The following PRKACA variants were observed in gnomAD, a reference collection of about 807,000 sequenced individuals.
The protein encoded by PRKACA is cAMP-dependent protein kinase catalytic subunit alpha.
PRKACA carries 9 observed loss-of-function variants against 45.8 expected under a neutral mutation model. That is an observed-to-expected ratio of 0.20 (90% CI 0.12 to 0.34). The LOEUF is 0.34. PRKACA is among the 10% of genes least tolerant of loss of function. The probability of loss-of-function intolerance (pLI) is 1.00; values close to 1 mark genes in which losing one functional copy is unlikely to be tolerated. For synonymous variants in PRKACA, 160 were observed against 178.6 expected (o/e 0.90, Z 0.83); for missense variants, 238 against 458.6 (o/e 0.52, Z 4.39).
chr19:14,105,870 C>T (rs1040150862), intron 3 of PRKACA, among the ~76,000 whole-genome samples: 28 of 152,160 alleles, frequency 1.8e-4, no homozygotes, highest in Non-Finnish European at 3.5e-4. Context: ...AAAATATTTA[C>T]GGGAAGAAAG....
rs373941966 is a variant in PRKACA, at chr19:14,093,207, C to G, written c.961G>C (p.Gly321Arg). 4.3e-6 allele frequency: 7 copies of G among 1,613,922 alleles called. No homozygotes were observed. The African/African-American group carries it at 5.3e-5, about 12-fold the overall frequency. ...TCAAAGTTACTCGTATCCCCAGGGC[C>G]TTTAAACTTTGGTATGAAGGGAGCT... ...VEAPFIPKFKGPGDTSNFDDY... is the reference protein window; with the variant it reads ...VEAPFIPKFKRPGDTSNFDDY... The change falls in exon 10 of 10, where the codon GGC (glycine) becomes CGC (arginine). Residue 321 changes from glycine to arginine, a missense_variant. By Grantham distance (125) the Gly-to-Arg change is moderately radical. Coordinates refer to ENST00000308677, the MANE Select transcript of PRKACA (RefSeq NM_002730.4).
rs536107122 is a variant in PRKACA, at chr19:14,106,612, C to T, written c.237+148G>A. On this transcript the variant is annotated intron_variant, in intron 3 of 9. Transcript: ENST00000308677. ...GAGGTTGCAGTGAGCCGAGATCACG[C>T]CACTGTACTCCAGCCTGAGCGACAG... is the stretch of plus-strand genomic sequence containing the variant. The T allele has an allele frequency of 1.7e-3, 1,959 of 1,131,794 alleles. 2 individuals are homozygous for T. Among genetic ancestry groups the T allele is most frequent in the Middle Eastern group, 2.8e-3 (11 of 3,870 alleles). The allele number at this position is 1,131,794 out of a possible 1,614,324, so 70.1% of individuals were successfully genotyped here. A position where few individuals can be genotyped will look rare whatever the true frequency, so the allele number is the denominator to read the frequency against.
At chr19:14,113,662 G>A (rs1967034499) in intron 1 of PRKACA, among the ~76,000 whole-genome samples, 1 of 152,184 alleles carries the variant, frequency 6.6e-6, no homozygotes, top group Non-Finnish European at 1.5e-5. Flanking sequence ...GCTGTCCTGG[G>A]AATTCTGGGG....
Position 14,117,526 on chromosome 19 carries a change from TGGCGGCGGCGGCGTTGCCCATCGC to T in PRKACA, c.-3_21del, listed in dbSNP as rs1462342684. On this transcript the variant is annotated start_lost and 5_prime_UTR_variant, in exon 1 of 10. Transcript: ENST00000308677. ...CCGCTCTCCTGCTCGCTGCCCTTCT[TGGCGGCGGCGGCGTTGCCCATCGC>T]GGCGGCGGCGGCCGGGGCCGGTCCC... The T allele has an allele frequency of 8.1e-7, 1 of 1,227,802 alleles. No homozygotes were observed. The allele number at this position is 1,227,802 out of a possible 1,614,324, so 76.1% of individuals were successfully genotyped here.
At chr19:14,094,537 A>G (rs560726030) in intron 8 of PRKACA, among the ~76,000 whole-genome samples, 1 of 152,362 alleles carries the variant, frequency 6.6e-6, no homozygotes, top group African/African-American at 2.4e-5. Flanking sequence ...GCTGCTGGAA[A>G]GGGGTCCCTT....
intron 2 of PRKACA, 53 bp from the exon 3 acceptor site, chr19:14,106,941 T>C: frequency 6.2e-7 from 1 of 1,607,614 alleles, no homozygotes; most frequent in South Asian, 1.1e-5. Flanking sequence ...GCGGCCTGCT[T>C]GGCTAAGGTC....
chr19:14,103,804 G>A (rs537297190), intron 3 of PRKACA, among the ~76,000 whole-genome samples: 2 of 152,298 alleles, frequency 1.3e-5, no homozygotes, highest in African/African-American at 4.8e-5. Context: ...GGTGGCTCAC[G>A]CCCGTAATCC....
chr19:14,113,381 C>T (rs144519775), intron 1 of PRKACA, among the ~76,000 whole-genome samples: 271 of 152,280 alleles, frequency 1.8e-3, no homozygotes, highest in Admixed American at 4.0e-3. Flanking sequence ...TACAGCCTGC[C>T]GCCCTGCCCA....
intron 3 of PRKACA, among the ~76,000 whole-genome samples, chr19:14,104,479 A>ACCTG (rs1977544681): frequency 6.7e-6 from 1 of 150,094 alleles, no homozygotes; most frequent in Non-Finnish European, 1.5e-5. Flanking sequence ...GGTGGATTAC[A>ACCTG]AGGTCAGGAG....
At chr19:14,111,675 A>G (rs1342842254) in intron 1 of PRKACA, among the ~76,000 whole-genome samples, 2 of 152,144 alleles carry the variant, frequency 1.3e-5, no homozygotes, top group African/African-American at 4.8e-5. Flanking sequence ...TCTGGCCTCA[A>G]TGGATTCCCC....
Position 14,102,212 on chromosome 19 carries a change from G to A in PRKACA, c.336+604C>T, listed in dbSNP as rs147173137. Among the ~76,000 whole-genome samples, 699 of 151,194 alleles carry A rather than the reference G, an allele frequency of 4.6e-3. 10 individuals carry two copies. The highest frequency in any genetic ancestry group is 0.016 in the African/African-American group (671 of 41,154). The stretch of plus-strand genomic sequence containing the variant: ...CTCAAGACAGCAGCAGCAGCAAAGC[G>A]TTAAACCAGGTGTGGGGTCCCTCGG... On this transcript the variant is annotated intron_variant, in intron 4 of 9. Coordinates refer to ENST00000308677, the MANE Select transcript of PRKACA (RefSeq NM_002730.4).
chr19:14,093,497 C>T (rs1599331971), intron 9 of PRKACA, 131 bp downstream of exon 9: 6 of 1,244,020 alleles, frequency 4.8e-6, no homozygotes, highest in Non-Finnish European at 6.7e-6. Context: ...TTTCTAGACC[C>T]CACTGCTCTA....
chr19:14,108,209 G>T (rs896401644), intron 1 of PRKACA: 1 of 952,822 alleles, frequency 1.0e-6, no homozygotes, highest in Non-Finnish European at 1.2e-6. Context: ...AGCCCAGCCT[G>T]GTCTCTGATG....
chr19:14,107,280 T>G, intron 2 of PRKACA, 68 bp downstream of exon 2: 1 of 1,482,520 alleles, frequency 6.7e-7, no homozygotes. Context: ...GCTGTGTTGC[T>G]GGGACACAGC....
In PRKACA at chr19:14,092,758, T is replaced by C. The variant is rs1286461406; in HGVS notation, c.*354A>G. The C allele has an allele frequency of 2.4e-6, 1 of 418,148 alleles. No homozygotes were observed. Among genetic ancestry groups the C allele is most frequent in the African/African-American group, 2.0e-5 (1 of 49,048 alleles). The allele number at this position is 418,148 out of a possible 1,614,324, so 25.9% of individuals were successfully genotyped here. A position where few individuals can be genotyped will look rare whatever the true frequency, so the allele number is the denominator to read the frequency against. ...AGTTAAGCGTGAGCCCCTCTTTCCA[T>C]ACCCTGTCCCTGGATACACCAGCAA... On this transcript the variant is annotated 3_prime_UTR_variant, in exon 10 of 10. Coordinates refer to ENST00000308677, the MANE Select transcript of PRKACA (RefSeq NM_002730.4).
intron 1 of PRKACA, chr19:14,114,126 A>C (rs747314281): frequency 6.2e-7 from 1 of 1,610,522 alleles, no homozygotes; most frequent in African/African-American, 1.3e-5. Context: ...AACAGGACTC[A>C]GCCTCACCAT....
chr19:14,093,049 C>T lies in PRKACA; in HGVS notation c.*63G>A. On this transcript the variant is annotated 3_prime_UTR_variant, in exon 10 of 10. Transcript: ENST00000308677. ...CTCTGGCTGTTCAATCCAACCCTCC[C>T]ACCCCCCCGACCAAAAAAAAGAAAA... 4.5e-6 allele frequency: 4 copies of T among 897,054 alleles called. No homozygotes were observed. Among genetic ancestry groups the T allele is most frequent in the Non-Finnish European group, 4.7e-6 (3 of 645,012 alleles). The allele number at this position is 897,054 out of a possible 1,614,324, so 55.6% of individuals were successfully genotyped here.
intron 5 of PRKACA, among the ~76,000 whole-genome samples, chr19:14,100,183 C>G (rs913994521): frequency 1.6e-4 from 24 of 151,970 alleles, no homozygotes; most frequent in African/African-American, 5.3e-4. Flanking sequence ...CACTATGCAG[C>G]CCAGGCTGGT....
Position 14,092,419 on chromosome 19 carries a change from G to A in PRKACA, c.*693C>T, listed in dbSNP as rs920400913. Reference sequence around the variant, plus strand: ...GGGAGGGGCCCAGGGGAGATTAGCAGCGGGGAGGTTCAAACCCCAGCGCCT... The same window carrying A: ...GGGAGGGGCCCAGGGGAGATTAGCAACGGGGAGGTTCAAACCCCAGCGCCT... On this transcript the variant is annotated 3_prime_UTR_variant, in exon 10 of 10. Coordinates refer to ENST00000308677, the MANE Select transcript of PRKACA (RefSeq NM_002730.4). The A allele has an allele frequency of 1.0e-5, 4 of 387,924 alleles. No individual in the cohort carries two copies. Among genetic ancestry groups the A allele is most frequent in the Non-Finnish European group, 1.8e-5 (4 of 219,646 alleles). The allele number at this position is 387,924 out of a possible 1,614,324, so 24.0% of individuals were successfully genotyped here.
Sources: allele counts gnomAD v4.1 joint callset (sites outside exome capture counted in the v4.1 genomes callset), GRCh38; gene constraint gnomAD v4.1.1; transcripts MANE v1.5; gene names NCBI Gene and HGNC (gene_info 2026-07-23, HGNC 2026-07-21).